Variants in ELMO1 observed in about 807,000 individuals in gnomAD.
ELMO1 encodes the protein engulfment and cell motility protein 1.
A neutral mutation model predicts 98.9 loss-of-function variants in ELMO1; 26 were observed. The ratio of observed to expected loss-of-function variants is 0.26; its 90% CI spans 0.19 to 0.36. The LOEUF is 0.36. Ranked by LOEUF, ELMO1 falls within the 10% of genes least tolerant of loss-of-function variation. The probability of loss-of-function intolerance (pLI) is 1.00; values close to 1 mark genes in which losing one functional copy is unlikely to be tolerated. For missense variants in ELMO1, 627 were observed against 935.2 expected, an observed-to-expected ratio of 0.67 and a Z score of 4.30; for synonymous variants, 346 against 346.0, an observed-to-expected ratio of 1.00 and a Z score of 0.00.
chr7:37,328,475 G>C (rs1306672349), intron 2 of ELMO1, among the ~76,000 whole-genome samples: 1 of 147,400 alleles, frequency 6.8e-6, no homozygotes, highest in Non-Finnish European at 1.5e-5. Context: ...ACACAGACCT[G>C]TACAATTCCA....
intron 1 of ELMO1, among the ~76,000 whole-genome samples, chr7:37,416,544 G>A (rs1338936423): frequency 6.6e-6 from 1 of 152,180 alleles, no homozygotes; most frequent in African/African-American, 2.4e-5. Context: ...GATGCCCCTG[G>A]AACTGGATAA....
intron 13 of ELMO1, among the ~76,000 whole-genome samples, chr7:37,134,116 A>C (rs1297808099): frequency 6.6e-6 from 1 of 152,228 alleles, no homozygotes; most frequent in Non-Finnish European, 1.5e-5. Flanking sequence ...GACAAAGAAT[A>C]ACAGATGGCA....
At chr7:37,225,074 G>T in intron 8 of ELMO1, 44 bp from the exon 9 acceptor site, 1 of 1,610,264 alleles carries the variant, frequency 6.2e-7, no homozygotes, top group South Asian at 1.1e-5. Flanking sequence ...GTGGTAAGTA[G>T]AGCAGAGACG....
At chr7:37,278,826 C>T (rs1313573456) in intron 4 of ELMO1, among the ~76,000 whole-genome samples, 1 of 152,166 alleles carries the variant, frequency 6.6e-6, no homozygotes, top group African/African-American at 2.4e-5. Context: ...TCTGTCTTAT[C>T]AGGGTCAATC....
At chr7:37,259,875 C>T (rs562392890) in intron 5 of ELMO1, among the ~76,000 whole-genome samples, 1 of 152,332 alleles carries the variant, frequency 6.6e-6, no homozygotes, top group African/African-American at 2.4e-5. Context: ...TCTTCCAGCA[C>T]TCCACAACGA....
intron 16 of ELMO1, among the ~76,000 whole-genome samples, chr7:36,973,757 G>C (rs1790196248): frequency 6.6e-6 from 1 of 152,328 alleles, no homozygotes; most frequent in Non-Finnish European, 1.5e-5. Context: ...AGAGGCGCGA[G>C]CGGGAACCGG....
chr7:37,139,174 T>C (rs778361796), intron 13 of ELMO1, among the ~76,000 whole-genome samples: 1 of 152,176 alleles, frequency 6.6e-6, no homozygotes, highest in Non-Finnish European at 1.5e-5. Context: ...CAGACAAGGA[T>C]GCCCACTTTC....
chr7:37,265,270 T>C (rs937692824), intron 5 of ELMO1, among the ~76,000 whole-genome samples: 18 of 152,164 alleles, frequency 1.2e-4, no homozygotes, highest in African/African-American at 4.3e-4. Context: ...GCTCTGGATC[T>C]CCTCTCCCCT....
intron 4 of ELMO1, among the ~76,000 whole-genome samples, chr7:37,313,125 T>G (rs1218491517): frequency 6.6e-6 from 1 of 152,080 alleles, no homozygotes; most frequent in African/African-American, 2.4e-5. Flanking sequence ...AAAGGGAAAA[T>G]AGAGACAGGA....
At chr7:37,292,924 T>G (rs1583475256) in intron 4 of ELMO1, among the ~76,000 whole-genome samples, 1 of 50,654 alleles carries the variant, frequency 2.0e-5, no homozygotes, top group African/African-American at 5.9e-5. Flanking sequence ...GGTGGCGGGG[T>G]CAGTCCCCCG....
intron 16 of ELMO1, among the ~76,000 whole-genome samples, chr7:36,989,122 C>T (rs1791699383): frequency 6.6e-6 from 1 of 152,314 alleles, no homozygotes; most frequent in South Asian, 2.1e-4. Flanking sequence ...ATTAACCTAG[C>T]AGTTCATAAT....
At chr7:37,382,079 A>G (rs1802604655) in intron 1 of ELMO1, among the ~76,000 whole-genome samples, 1 of 152,210 alleles carries the variant, frequency 6.6e-6, no homozygotes, top group African/African-American at 2.4e-5. Flanking sequence ...TCTGGATAAA[A>G]GATAATTTTG....
chr7:36,983,812 A>T (rs1218321272), intron 16 of ELMO1, among the ~76,000 whole-genome samples: 1 of 152,142 alleles, frequency 6.6e-6, no homozygotes, highest in Non-Finnish European at 1.5e-5. Context: ...CAGGACAGGG[A>T]TCTTGCTTTA....
chr7:36,964,416 C>T (rs1173724709), intron 16 of ELMO1, among the ~76,000 whole-genome samples: 3 of 152,102 alleles, frequency 2.0e-5, no homozygotes, highest in Non-Finnish European at 4.4e-5. Context: ...TTATTAAATA[C>T]TATACTGAAA....
chr7:37,147,276 GC>G (rs1452748573), intron 13 of ELMO1, among the ~76,000 whole-genome samples: 1 of 152,096 alleles, frequency 6.6e-6, no homozygotes, highest in Non-Finnish European at 1.5e-5. Context: ...TAGATTCTAA[GC>G]CCCCTGGATT....
Position 36,868,536 on chromosome 7 carries a change from G to A in ELMO1, c.1905+1857C>T, listed in dbSNP as rs191885520. 1.6e-3 allele frequency among the ~76,000 whole-genome samples: 250 copies of A among 152,108 alleles called. 1 individual carries two copies. The highest frequency in any genetic ancestry group is 5.4e-3 in the South Asian group (26 of 4,814). The stretch of plus-strand genomic sequence containing the variant: ...AATTTTTTGTATTTTTAGTACAGAC[G>A]AGGTTTCACTATGTTGGCCAGGCTG... On this transcript the variant is annotated intron_variant, in intron 20 of 21. Coordinates refer to ENST00000310758, the MANE Select transcript of ELMO1 (RefSeq NM_014800.11).
At chr7:36,931,439 A>C in intron 16 of ELMO1, among the ~76,000 whole-genome samples, 1 of 152,186 alleles carries the variant, frequency 6.6e-6, no homozygotes, top group East Asian at 1.9e-4. Flanking sequence ...GTCTCTACTA[A>C]AAGTACAAAA....
At chr7:37,229,394 T>G (rs1794042865) in intron 8 of ELMO1, among the ~76,000 whole-genome samples, 1 of 152,200 alleles carries the variant, frequency 6.6e-6, no homozygotes, top group Non-Finnish European at 1.5e-5. Flanking sequence ...GTTTCAGAGC[T>G]GTTTATGAAA....
At chr7:37,229,596 C>T (rs1794055914) in intron 8 of ELMO1, among the ~76,000 whole-genome samples, 1 of 152,044 alleles carries the variant, frequency 6.6e-6, no homozygotes. Flanking sequence ...CAGCCCATTT[C>T]CTAGTCGATT....
Sources: allele counts gnomAD v4.1 joint callset (sites outside exome capture counted in the v4.1 genomes callset), GRCh38; gene constraint gnomAD v4.1.1; transcripts MANE v1.5; gene names NCBI Gene and HGNC (gene_info 2026-07-23, HGNC 2026-07-21).